NTM: variants seen among roughly 807,000 people sequenced by gnomAD.
NTM encodes neurotrimin.
NTM carries 13 observed loss-of-function variants against 42.1 expected under a neutral mutation model. That is an observed-to-expected ratio of 0.31 (90% confidence interval 0.20 to 0.49). The LOEUF (loss-of-function observed/expected upper bound fraction) is 0.49, where lower values mean the gene tolerates loss of function less well. Ranked by LOEUF, NTM falls within the 20% of genes least tolerant of loss-of-function variation. The pLI is 0.99. For synonymous variants in NTM, 187 were observed against 179.2 expected, an observed-to-expected ratio of 1.04 and a Z score of -0.35; for missense variants, 373 against 452.8, an observed-to-expected ratio of 0.82 and a Z score of 1.60.
At chr11:131,764,630 A>T (rs1249480430) in intron 1 of NTM, among the ~76,000 whole-genome samples, 3 of 152,200 alleles carry the variant, frequency 2.0e-5, no homozygotes, top group Non-Finnish European at 4.4e-5. Flanking sequence ...ATAATTATAT[A>T]ATACAGTAAT....
chr11:131,999,214 G>A (rs534621944), intron 2 of NTM, among the ~76,000 whole-genome samples: 14 of 152,058 alleles, frequency 9.2e-5, no homozygotes, highest in African/African-American at 1.7e-4. Flanking sequence ...TTGTGTGTCC[G>A]CCTCTGTTCC....
At chr11:131,863,276 C>T (rs2046829419) in intron 1 of NTM, among the ~76,000 whole-genome samples, 1 of 152,194 alleles carries the variant, frequency 6.6e-6, no homozygotes, top group Non-Finnish European at 1.5e-5. Context: ...TGATGGTGCT[C>T]CTCAAAGCCT....
intron 2 of NTM, among the ~76,000 whole-genome samples, chr11:132,017,681 G>A (rs2073653103): frequency 6.6e-6 from 1 of 151,910 alleles, no homozygotes; most frequent in African/African-American, 2.4e-5. Flanking sequence ...CTGTCAATTT[G>A]TATCAGCCTG....
intron 1 of NTM, among the ~76,000 whole-genome samples, chr11:131,404,092 C>A (rs1330722749): frequency 6.6e-6 from 1 of 152,084 alleles, no homozygotes; most frequent in Non-Finnish European, 1.5e-5. Flanking sequence ...GACCTCCCTT[C>A]TTCCTTTAGC....
Position 132,096,957 on chromosome 11 carries a change from T to C in NTM, c.168-49325T>C, listed in dbSNP as rs1200662205. Among the ~76,000 whole-genome samples, 3 of 152,266 alleles carry C rather than the reference T, an allele frequency of 2.0e-5. No homozygotes were observed. In the East Asian group the frequency reaches 5.8e-4, roughly 29 times the overall value. ...TCTGGTGCTGCAGACACTAAGTGTC[T>C]AGCACATAGTAGGCACTAAATAAAT... is the stretch of plus-strand genomic sequence containing the variant. On this transcript the variant is annotated intron_variant, in intron 2 of 8. Transcript: ENST00000683400.
At chr11:132,235,964 C>T (rs938857701) in intron 4 of NTM, among the ~76,000 whole-genome samples, 1 of 150,710 alleles carries the variant, frequency 6.6e-6, no homozygotes, top group Admixed American at 6.6e-5. Context: ...AAAAAGTCAG[C>T]CCTCAATTTT....
At chr11:131,758,952 CTT>C (rs2083722676) in intron 1 of NTM, among the ~76,000 whole-genome samples, 1 of 152,126 alleles carries the variant, frequency 6.6e-6, no homozygotes, top group African/African-American at 2.4e-5. Context: ...AGCCGTGACT[CTT>C]TGAACATGAG....
intron 7 of NTM, among the ~76,000 whole-genome samples, chr11:132,328,973 C>T (rs79291090): frequency 0.026 from 3,967 of 152,198 alleles, 150 homozygotes; most frequent in African/African-American, 0.089. Flanking sequence ...TTTTGATCGT[C>T]GATAAACCCT....
chr11:131,386,962 G>T (rs1006335345), intron 1 of NTM, among the ~76,000 whole-genome samples: 3 of 152,246 alleles, frequency 2.0e-5, no homozygotes, highest in Non-Finnish European at 2.9e-5. Context: ...GAATTAAAAA[G>T]ATATGTTTTT....
At chr11:131,488,603 G>A (rs146265369) in intron 1 of NTM, among the ~76,000 whole-genome samples, 1 of 152,278 alleles carries the variant, frequency 6.6e-6, no homozygotes, top group East Asian at 1.9e-4. Flanking sequence ...TGCAGCATGT[G>A]CATACAGGGT....
At chr11:131,779,195 G>A (rs1192147634) in intron 1 of NTM, among the ~76,000 whole-genome samples, 2 of 152,182 alleles carry the variant, frequency 1.3e-5, no homozygotes, top group African/African-American at 4.8e-5. Flanking sequence ...ACACAAATGA[G>A]CCTGGAAGAG....
intron 1 of NTM, among the ~76,000 whole-genome samples, chr11:131,682,457 G>A (rs1472453453): frequency 6.6e-6 from 1 of 152,210 alleles, no homozygotes; most frequent in South Asian, 2.1e-4. Flanking sequence ...GGAGTCCTGG[G>A]AGGCTGAGGG....
intron 1 of NTM, among the ~76,000 whole-genome samples, chr11:131,806,372 C>T (rs925050919): frequency 6.6e-6 from 1 of 152,026 alleles, no homozygotes; most frequent in Non-Finnish European, 1.5e-5. Flanking sequence ...TAAAACTGCC[C>T]CACTTAGATT....
At chr11:131,856,638 G>C (rs936317248) in intron 1 of NTM, among the ~76,000 whole-genome samples, 1 of 152,112 alleles carries the variant, frequency 6.6e-6, no homozygotes, top group African/African-American at 2.4e-5. Context: ...AAAAATCCAA[G>C]CTTCCCATAC....
chr11:132,027,704 A>C (rs748100955), intron 2 of NTM, among the ~76,000 whole-genome samples: 1 of 152,156 alleles, frequency 6.6e-6, no homozygotes, highest in Non-Finnish European at 1.5e-5. Flanking sequence ...AGTTTGAATA[A>C]GATATGCCTA....
chr11:132,044,080 TTGTG>T (rs1477252620), intron 2 of NTM, among the ~76,000 whole-genome samples: 1 of 42,382 alleles, frequency 2.4e-5, no homozygotes, highest in African/African-American at 7.6e-5. Context: ...GTGTATGTGT[TTGTG>T]TGTATGTGTG....
intron 7 of NTM, among the ~76,000 whole-genome samples, chr11:132,326,708 G>C (rs899227289): frequency 2.0e-5 from 3 of 152,232 alleles, no homozygotes; most frequent in African/African-American, 7.2e-5. Flanking sequence ...GTCTTCAGTA[G>C]AGCTGCTAGA....
At chr11:131,669,278 A>G (rs555891871) in intron 1 of NTM, among the ~76,000 whole-genome samples, 1 of 152,252 alleles carries the variant, frequency 6.6e-6, no homozygotes, top group South Asian at 2.1e-4. Context: ...GAGGAAATAG[A>G]GGTTAAGAGG....
chr11:131,419,694 G>A (rs1364146499), intron 1 of NTM, among the ~76,000 whole-genome samples: 1 of 152,204 alleles, frequency 6.6e-6, no homozygotes, highest in Non-Finnish European at 1.5e-5. Context: ...ATAATAAAAA[G>A]TGGGATTTTA....
Sources: allele counts gnomAD v4.1 joint callset (sites outside exome capture counted in the v4.1 genomes callset), GRCh38; gene constraint gnomAD v4.1.1; transcripts MANE v1.5; gene names NCBI Gene and HGNC (gene_info 2026-07-23, HGNC 2026-07-21).